VIPR2: variants seen among roughly 807,000 people sequenced by gnomAD.
The protein encoded by VIPR2 is vasoactive intestinal peptide receptor 2.
Under a neutral mutation model 58.0 loss-of-function variants are expected in VIPR2, and 48 were observed. The observed-to-expected ratio is 0.83, with a 90% CI of 0.66 to 1.05. The LOEUF is 1.05. Among genes scored for constraint, VIPR2 ranks in the 50% least tolerant of loss-of-function variants. VIPR2 has a pLI of 0.00. For synonymous variants in VIPR2, 243 were observed against 235.2 expected (o/e 1.03, Z -0.30); for missense variants, 534 against 558.0 (o/e 0.96, Z 0.43).
At chr7:159,057,694 G>A (rs111821078) in intron 5 of VIPR2, among the ~76,000 whole-genome samples, 1 of 152,160 alleles carries the variant, frequency 6.6e-6, no homozygotes, top group African/African-American at 2.4e-5. Flanking sequence ...CTAATGATAC[G>A]TAAGACAGAT....
chr7:159,049,030 G>A (rs1408694035), intron 5 of VIPR2, among the ~76,000 whole-genome samples: 2 of 151,974 alleles, frequency 1.3e-5, no homozygotes, highest in Non-Finnish European at 1.5e-5. Flanking sequence ...CCCCATTACT[G>A]CACCCTCTGT....
At chr7:159,041,117 T>C (rs1854301278) in intron 6 of VIPR2, among the ~76,000 whole-genome samples, 1 of 152,176 alleles carries the variant, frequency 6.6e-6, no homozygotes, top group Non-Finnish European at 1.5e-5. Context: ...CCCAGTTTCC[T>C]CGTCTGTGAA....
intron 4 of VIPR2, 35 bp from the exon 5 acceptor site, chr7:159,058,613 G>A (rs1382663353): frequency 2.0e-6 from 3 of 1,471,254 alleles, no homozygotes; most frequent in Admixed American, 1.7e-5. Context: ...TAAGCTGAGG[G>A]TGACCAGCAA....
In VIPR2 at chr7:159,031,528, G is replaced by GT; in HGVS notation, c.1143+299_1143+300insA. On this transcript the variant is annotated intron_variant, in intron 12 of 12. Transcript: ENST00000262178. The surrounding 1 kb of genome is among the most constrained non-coding windows in gnomAD (Gnocchi z 4.0). ...TCAGGAGCGAGACGCCGACCATGGG[G>GT]AAAAACAGATTCTGTCTAGACCCGG... 1 of 985,422 alleles carries GT rather than the reference G, an allele frequency of 1.0e-6. No homozygotes were observed. The highest frequency in any genetic ancestry group is 4.7e-5 in the South Asian group (1 of 21,292). The allele number at this position is 985,422 out of a possible 1,614,324, so 61.0% of individuals were successfully genotyped here.
chr7:159,140,024 G>A (rs951734941), intron 2 of VIPR2, among the ~76,000 whole-genome samples: 7 of 152,162 alleles, frequency 4.6e-5, no homozygotes, highest in East Asian at 1.9e-4. Context: ...AGAGAATCCC[G>A]TAAGAGAGCT....
Position 159,098,685 on chromosome 7 carries a change from C to T in VIPR2, c.357+5072G>A, listed in dbSNP as rs1283984233. On this transcript the variant is annotated intron_variant, in intron 4 of 12. Coordinates refer to ENST00000262178, the MANE Select transcript of VIPR2 (RefSeq NM_003382.5). This position sits in a 1 kb window ranked among gnomAD's most constrained non-coding sequence, Gnocchi z 5.2. ...CTTCTCCTCCCAGGGGCTCCCACAC[C>T]CACATCTCTGCTGATTCCCTCACAC... 6.6e-6 allele frequency among the ~76,000 whole-genome samples: 1 copy of T among 152,192 alleles called. No homozygotes were observed. Among genetic ancestry groups the T allele is most frequent in the Non-Finnish European group, 1.5e-5 (1 of 68,026 alleles).
In VIPR2 at chr7:159,091,022, C is replaced by A. The variant is rs958874807; in HGVS notation, c.357+12735G>T. Among the ~76,000 whole-genome samples the A allele has an allele frequency of 2.6e-5, 4 of 151,528 alleles. 2 individuals carry two copies. Among genetic ancestry groups the A allele is most frequent in the African/African-American group, 4.8e-5 (2 of 41,298 alleles). Reference sequence around the variant, plus strand: ...CCTCAGCACAGACACGCTGGGACCACGCACAGGGGCCACCTCTTGTGACCA... The same window carrying A: ...CCTCAGCACAGACACGCTGGGACCAAGCACAGGGGCCACCTCTTGTGACCA... On this transcript the variant is annotated intron_variant, in intron 4 of 12. Coordinates refer to ENST00000262178, the MANE Select transcript of VIPR2 (RefSeq NM_003382.5).
In VIPR2 at chr7:159,097,386, A is replaced by G. The variant is rs777489217; in HGVS notation, c.357+6371T>C. On this transcript the variant is annotated intron_variant, in intron 4 of 12. Coordinates refer to ENST00000262178, the MANE Select transcript of VIPR2 (RefSeq NM_003382.5). This position sits in a 1 kb window ranked among gnomAD's most constrained non-coding sequence, Gnocchi z 5.3. ...TGCTCTTTATGTAAGAACGGAGTTAACCAGTATGTAACACAGAAGACTTAC... is the reference window on the plus strand; with the variant it reads ...TGCTCTTTATGTAAGAACGGAGTTAGCCAGTATGTAACACAGAAGACTTAC... Among the ~76,000 whole-genome samples, 2 of 152,208 alleles carry G rather than the reference A, an allele frequency of 1.3e-5. No individual in the cohort carries two copies. The highest frequency in any genetic ancestry group is 2.9e-5 in the Non-Finnish European group (2 of 68,026).
Position 159,110,977 on chromosome 7 carries a change from T to C in VIPR2, c.152-1058A>G, listed in dbSNP as rs1585521374. 2.0e-5 allele frequency among the ~76,000 whole-genome samples: 3 copies of C among 152,362 alleles called. 1 individual carries two copies. Among genetic ancestry groups the C allele is most frequent in the Admixed American group, 2.0e-4 (3 of 15,306 alleles). On this transcript the variant is annotated intron_variant, in intron 2 of 12. Coordinates refer to ENST00000262178, the MANE Select transcript of VIPR2 (RefSeq NM_003382.5). ...ACCAATACTTGAATAAGTACATAAA[T>C]TCATATTACATTAATGTTAACATAT...
rs1854003017 is a variant in VIPR2, at chr7:159,036,917, CAG to C, written c.598-17_598-16del. On this transcript the variant is annotated splice_polypyrimidine_tract_variant and intron_variant, in intron 6 of 12. Transcript: ENST00000262178. Reference sequence around the variant, plus strand: ...TTGCAGCCCACCTGGAAACCGCAAACAGAGGAGAGGAAAGCATGACCTCATCC... The same window carrying C: ...TTGCAGCCCACCTGGAAACCGCAAACAGGAGAGGAAAGCATGACCTCATCC... 3 of 1,608,868 alleles carry C rather than the reference CAG, an allele frequency of 1.9e-6. No individual in the cohort carries two copies. Among genetic ancestry groups the C allele is most frequent in the Non-Finnish European group, 2.6e-6 (3 of 1,176,448 alleles).
intron 4 of VIPR2, among the ~76,000 whole-genome samples, chr7:159,063,860 T>TCTGGGGG (rs1855900634): frequency 5.8e-5 from 1 of 17,254 alleles, no homozygotes; most frequent in Non-Finnish European, 1.1e-4. Flanking sequence ...GCCTGGTGGG[T>TCTGGGGG]TCCGGGGGTC....
intron 8 of VIPR2, 36 bp downstream of exon 8, chr7:159,035,916 C>A: frequency 1.2e-6 from 2 of 1,602,852 alleles, no homozygotes; most frequent in South Asian, 1.1e-5. Flanking sequence ...TGTTGCCGGG[C>A]CCGTTTTCGA....
chr7:159,090,071 CGCTGGG>C (rs1857376023), intron 4 of VIPR2, among the ~76,000 whole-genome samples: 2 of 112,796 alleles, frequency 1.8e-5, no homozygotes, highest in Admixed American at 8.7e-5. Context: ...AGCACAGACA[CGCTGGG>C]ACCACACACA....
chr7:159,119,861 T>A (rs935938949), intron 2 of VIPR2, among the ~76,000 whole-genome samples: 3 of 150,524 alleles, frequency 2.0e-5, no homozygotes, highest in African/African-American at 7.5e-5. Context: ...TCCCCCTTGA[T>A]GCACGAAGCC....
Position 159,103,811 on chromosome 7 carries a change from C to A in VIPR2, c.303G>T (p.Thr101=). The A allele has an allele frequency of 1.2e-6, 2 of 1,614,204 alleles. No individual in the cohort carries two copies. The highest frequency in any genetic ancestry group is 2.2e-5 in the East Asian group (1 of 44,878). The change falls in exon 4 of 13, where the codon ACG becomes ACT. Residue 101 remains threonine (T), a synonymous_variant. Coordinates refer to ENST00000262178, the MANE Select transcript of VIPR2 (RefSeq NM_003382.5). ...KNCTSDGWSE[T]FPDFVDACGY... is the part of the protein sequence containing the mutation. ...CACAGGCATCGACGAAATCTGGGAA[C>A]GTCTCTGACCATCCGTCACTCGTAC...
intron 4 of VIPR2, among the ~76,000 whole-genome samples, chr7:159,071,347 T>C (rs1047737491): frequency 5.9e-5 from 9 of 152,326 alleles, no homozygotes; most frequent in South Asian, 2.1e-4. Context: ...CCATCTTGGC[T>C]TCCTTCCTCC....
At position 159,109,892 on chromosome 7, in the gene VIPR2, GTGA is replaced by G. The variant is rs1795924491; in HGVS notation, c.176_178del (p.Ile59del). The G allele has an allele frequency of 6.2e-7, 1 of 1,613,970 alleles. No individual in the cohort carries two copies. Among genetic ancestry groups the G allele is most frequent in the Non-Finnish European group, 8.5e-7 (1 of 1,180,040 alleles). ...TCCCACATTGGCAGGCCGCCAGCAC[GTGA>G]TGTTGTCCCAGACGCCACTGCAGGC... On this transcript the variant is annotated inframe_deletion, in exon 3 of 13. Transcript: ENST00000262178.
In VIPR2 at chr7:159,079,384, G is replaced by A. The variant is rs533952042; in HGVS notation, c.358-20806C>T. ...CCTGAATGACTACTGGGTACATAAC[G>A]AAATGAAGGCAGAAATAAAGATGTT... On this transcript the variant is annotated intron_variant, in intron 4 of 12. Transcript: ENST00000262178. 1.2e-4 allele frequency among the ~76,000 whole-genome samples: 19 copies of A among 152,176 alleles called. No individual in the cohort carries two copies. In the South Asian group the frequency reaches 2.1e-3, roughly 17 times the overall value.
In VIPR2 at chr7:159,030,653, G is replaced by A. The variant is rs767712156; in HGVS notation, c.1280C>T (p.Ala427Val). Residue 427 changes from alanine (A) to valine (V), a missense_variant, in exon 13 of 13, where the codon GCC becomes GTC. Physicochemically the swap from Ala to Val is moderately conservative, Grantham distance 64. Transcript: ENST00000262178. ...GALQFHRGSR[A>V]QSFLQTETSV... Reference sequence around the variant, plus strand: ...GGTCTCCGTTTGCAGGAAGGACTGGGCGCGGGAGCCGCGGTGGAACTGCAG... The same window carrying A: ...GGTCTCCGTTTGCAGGAAGGACTGGACGCGGGAGCCGCGGTGGAACTGCAG... The A allele has an allele frequency of 6.4e-7, 1 of 1,558,804 alleles. No individual in the cohort carries two copies. Among genetic ancestry groups the A allele is most frequent in the South Asian group, 1.2e-5 (1 of 84,634 alleles).
Sources: gnomAD v4.1 joint callset for allele counts (sites outside exome capture counted in the v4.1 genomes callset) on GRCh38, gnomAD v4.1.1 for gene constraint, Gnocchi (gnomAD v3.1) non-coding constraint, MANE v1.5 for transcripts, NCBI Gene and HGNC (gene_info 2026-07-23, HGNC 2026-07-21) for gene names.